The following SPIN1 variants were observed in gnomAD, a reference collection of about 807,000 sequenced individuals.
The protein encoded by SPIN1 is spindlin 1.
In SPIN1, 3 loss-of-function variants were observed where a neutral mutation model predicts 26.0. That is an observed-to-expected ratio of 0.12 (90% confidence interval 0.05 to 0.30). SPIN1 has a LOEUF of 0.30. Ranked by LOEUF, SPIN1 falls within the 10% of genes least tolerant of loss-of-function variation. The probability of loss-of-function intolerance (pLI) is 1.00; values close to 1 mark genes in which losing one functional copy is unlikely to be tolerated. For synonymous variants in SPIN1, 101 were observed against 116.5 expected (o/e 0.87, Z 0.86); for missense variants, 126 against 333.4 (o/e 0.38, Z 4.84).
intron 1 of SPIN1, among the ~76,000 whole-genome samples, chr9:88,397,978 G>A (rs1322099821): frequency 1.3e-5 from 2 of 151,712 alleles, no homozygotes; most frequent in Non-Finnish European, 2.9e-5. Flanking sequence ...CTGTAGTGCA[G>A]TGGCACAGTT....
intron 4 of SPIN1, among the ~76,000 whole-genome samples, chr9:88,466,639 A>G (rs1198411821): frequency 6.6e-6 from 1 of 152,240 alleles, no homozygotes; most frequent in East Asian, 1.9e-4. Flanking sequence ...AAATAGCAAT[A>G]CATGTATCAA....
intron 4 of SPIN1, among the ~76,000 whole-genome samples, chr9:88,465,158 A>G (rs1175171108): frequency 2.6e-5 from 4 of 152,196 alleles, no homozygotes; most frequent in African/African-American, 9.7e-5. Flanking sequence ...CCATTAATGG[A>G]CATTTGGATT....
At chr9:88,414,602 G>A (rs955998151) in intron 1 of SPIN1, among the ~76,000 whole-genome samples, 1 of 152,206 alleles carries the variant, frequency 6.6e-6, no homozygotes, top group Non-Finnish European at 1.5e-5. Flanking sequence ...CTCTATCCTG[G>A]TGGCAAATCT....
chr9:88,412,366 C>CT (rs1448096999), intron 1 of SPIN1, among the ~76,000 whole-genome samples: 4 of 152,070 alleles, frequency 2.6e-5, no homozygotes, highest in Non-Finnish European at 4.4e-5. Flanking sequence ...GTAAATTTTA[C>CT]TTTAATTTTG....
chr9:88,395,062 C>T (rs573580440), intron 1 of SPIN1, among the ~76,000 whole-genome samples: 3 of 152,028 alleles, frequency 2.0e-5, no homozygotes, highest in African/African-American at 7.2e-5. Flanking sequence ...TCCGCCTCGG[C>T]CTGCCAAAGT....
At chr9:88,449,814 A>G (rs1203710898) in intron 3 of SPIN1, among the ~76,000 whole-genome samples, 1 of 152,174 alleles carries the variant, frequency 6.6e-6, no homozygotes, top group African/African-American at 2.4e-5. Flanking sequence ...CTCCTTGACC[A>G]TCGTGAGGCA....
At chr9:88,428,195 T>A (rs1333410229) in intron 2 of SPIN1, among the ~76,000 whole-genome samples, 1 of 152,202 alleles carries the variant, frequency 6.6e-6, no homozygotes, top group Non-Finnish European at 1.5e-5. Context: ...TCTATTTTTA[T>A]TTTAGATTCA....
intron 1 of SPIN1, among the ~76,000 whole-genome samples, chr9:88,403,679 A>C (rs758775455): frequency 6.6e-6 from 1 of 152,194 alleles, no homozygotes; most frequent in Admixed American, 6.6e-5. Context: ...ATACCGCTGC[A>C]CTTAGCCTGG....
chr9:88,393,155 G>A (rs1826968267), intron 1 of SPIN1, among the ~76,000 whole-genome samples: 1 of 148,194 alleles, frequency 6.7e-6, no homozygotes, highest in South Asian at 2.1e-4. Context: ...TTTTCCTGAA[G>A]GGAGGGGAGG....
At chr9:88,405,997 T>TTGTGTGTGTG in intron 1 of SPIN1, among the ~76,000 whole-genome samples, 1 of 138,840 alleles carries the variant, frequency 7.2e-6, no homozygotes, top group Non-Finnish European at 1.6e-5. Context: ...CGTGCCTGGC[T>TTGTGTGTGTG]TGTGTGTCTG....
chr9:88,432,676 A>G (rs554093365), intron 2 of SPIN1, among the ~76,000 whole-genome samples: 51 of 151,394 alleles, frequency 3.4e-4, no homozygotes, highest in African/African-American at 1.2e-3. Flanking sequence ...TTCAGTAGAG[A>G]TGGGGTTTCA....
chr9:88,398,539 T>G (rs1177418697), intron 1 of SPIN1, among the ~76,000 whole-genome samples: 1 of 152,076 alleles, frequency 6.6e-6, no homozygotes, highest in Admixed American at 6.6e-5. Flanking sequence ...GCACAGGTGT[T>G]TGTCATACAG....
intron 1 of SPIN1, among the ~76,000 whole-genome samples, chr9:88,422,007 G>A (rs1827677715): frequency 6.6e-6 from 1 of 152,110 alleles, no homozygotes; most frequent in South Asian, 2.1e-4. Flanking sequence ...CCCTTTTAAT[G>A]ATGCCAAATT....
intron 2 of SPIN1, among the ~76,000 whole-genome samples, chr9:88,429,393 A>AT (rs1827821150): frequency 6.6e-6 from 1 of 152,188 alleles, no homozygotes. Flanking sequence ...GTTCAGATGC[A>AT]TATCTGGGCC....
chr9:88,392,151 T>C (rs1220033874), intron 1 of SPIN1, among the ~76,000 whole-genome samples: 3 of 152,204 alleles, frequency 2.0e-5, no homozygotes, highest in Admixed American at 1.3e-4. Flanking sequence ...GATTTCCTTC[T>C]CCTTTCTACT....
At chr9:88,393,702 G>T (rs895441801) in intron 1 of SPIN1, among the ~76,000 whole-genome samples, 11 of 151,948 alleles carry the variant, frequency 7.2e-5, no homozygotes, top group African/African-American at 2.7e-4. Flanking sequence ...TGATCTGCCC[G>T]CCTCGGCCTC....
intron 2 of SPIN1, among the ~76,000 whole-genome samples, chr9:88,444,522 C>T (rs973157363): frequency 1.7e-4 from 26 of 151,750 alleles, no homozygotes; most frequent in African/African-American, 5.6e-4. Flanking sequence ...GGATCACAGG[C>T]GTGAGCCACC....
rs1042169904 is a variant in SPIN1, at chr9:88,429,934, G to A, written c.52+3343G>A. On this transcript the variant is annotated intron_variant, in intron 2 of 5. Transcript: ENST00000375859. ...ATTGGAAGCTGTAAGTCAAGAGGAGGAGGAAGGCCAAATATATATATTTCA... is the reference window on the plus strand; with the variant it reads ...ATTGGAAGCTGTAAGTCAAGAGGAGAAGGAAGGCCAAATATATATATTTCA... Among the ~76,000 whole-genome samples the A allele has an allele frequency of 3.3e-5, 5 of 152,280 alleles. No individual in the cohort carries two copies. The East Asian group carries it at 9.6e-4, about 29-fold the overall frequency.
At chr9:88,431,655 A>C (rs1827874047) in intron 2 of SPIN1, among the ~76,000 whole-genome samples, 1 of 152,076 alleles carries the variant, frequency 6.6e-6, no homozygotes, top group South Asian at 2.1e-4. Flanking sequence ...CATTCTTTGG[A>C]AACTTTTAGA....
Sources: gnomAD v4.1 joint callset for allele counts (sites outside exome capture counted in the v4.1 genomes callset) on GRCh38, gnomAD v4.1.1 for gene constraint, MANE v1.5 for transcripts, NCBI Gene and HGNC (gene_info 2026-07-23, HGNC 2026-07-21) for gene names.